NME9: variants seen among roughly 807,000 people sequenced by gnomAD.
NME9 encodes the protein NME/NM23 family member 9.
A neutral mutation model predicts 44.4 loss-of-function variants in NME9; 48 were observed. The observed-to-expected ratio is 1.08, with a 90% CI of 0.86 to 1.37. The LOEUF (loss-of-function observed/expected upper bound fraction) is 1.37. Ranked by LOEUF, NME9 falls within the 40% of genes most tolerant of loss-of-function variation. The pLI, the probability that NME9 is intolerant of heterozygous loss-of-function variation, is 0.00. For synonymous variants in NME9, 139 were observed against 147.1 expected (o/e 0.94, Z 0.40); for missense variants, 325 against 405.2 (o/e 0.80, Z 1.70).
intron 8 of NME9, among the ~76,000 whole-genome samples, chr3:138,295,233 T>C (rs2051369065): frequency 6.6e-6 from 1 of 152,142 alleles, no homozygotes; most frequent in Admixed American, 6.5e-5. Flanking sequence ...CTGGCCACCT[T>C]CTTCCCCCAT....
At position 138,271,798 on chromosome 3, in the gene NME9, C is replaced by CTTTTT. The variant is rs776320900; in HGVS notation, c.746-9217_746-9213dup. 4.9e-3 allele frequency among the ~76,000 whole-genome samples: 663 copies of CTTTTT among 136,132 alleles called. 17 individuals carry two copies. Among genetic ancestry groups the CTTTTT allele is most frequent in the African/African-American group, 0.018 (639 of 35,288 alleles). 89.3% of individuals were successfully genotyped at this position (136,132 alleles called of 152,430 possible). ...AGTTCACAAGATTTTTTTTTTCTTT[C>CTTTTT]TTTTTTTTTTTTTTTGATACAGAGT... is the stretch of plus-strand genomic sequence containing the variant. On this transcript the variant is annotated intron_variant, in intron 8 of 8. Coordinates refer to the NME9 transcript ENST00000317876.
intron 8 of NME9, among the ~76,000 whole-genome samples, chr3:138,272,082 T>C (rs1289996551): frequency 6.6e-6 from 1 of 152,138 alleles, no homozygotes; most frequent in East Asian, 1.9e-4. Flanking sequence ...TGATACAAAT[T>C]AGAGAAAAAG....
chr3:138,278,880 G>A (rs190245804), intron 8 of NME9, among the ~76,000 whole-genome samples: 50 of 152,074 alleles, frequency 3.3e-4, no homozygotes, highest in Non-Finnish European at 6.5e-4. Context: ...TAAAATTTTC[G>A]TATGTCAGTC....
chr3:138,303,628 G>A lies in NME9; in HGVS notation c.807C>T (p.Tyr269=), dbSNP rs768751199. ...CGGCATTGAAGGGCATTTCTGTGCC[G>A]TACTGAGCTCGGAGACTGGGAACAT... ...REQPESLRAQ[Y]GTEMPFNAVH... The change falls in exon 10 of 11, where the codon TAC becomes TAT. Residue 269 remains tyrosine, a synonymous_variant. Transcript: ENST00000333911. 6 of 1,608,138 alleles carry A rather than the reference G, an allele frequency of 3.7e-6. No homozygotes were observed. Among genetic ancestry groups the A allele is most frequent in the East Asian group, 4.5e-5 (2 of 44,732 alleles).
chr3:138,272,583 A>G (rs1379563876), intron 8 of NME9, among the ~76,000 whole-genome samples: 1 of 152,234 alleles, frequency 6.6e-6, no homozygotes, highest in African/African-American at 2.4e-5. Flanking sequence ...TACTTTGAAA[A>G]TTATCAGAGT....
chr3:138,328,524 G>A (rs1201686692), intron 1 of NME9, among the ~76,000 whole-genome samples: 2 of 152,178 alleles, frequency 1.3e-5, no homozygotes, highest in Non-Finnish European at 2.9e-5. Context: ...AGGAGGCGCT[G>A]TAGCCTTGGT....
chr3:138,321,008 G>A (rs570851229), intron 2 of NME9, among the ~76,000 whole-genome samples: 1 of 152,324 alleles, frequency 6.6e-6, no homozygotes, highest in Admixed American at 6.5e-5. Flanking sequence ...TATCTGTGGT[G>A]TCCTGTTACA....
chr3:138,311,904 A>G (rs2052728527), intron 6 of NME9, among the ~76,000 whole-genome samples: 1 of 152,172 alleles, frequency 6.6e-6, no homozygotes, highest in South Asian at 2.1e-4. Context: ...GATAAACGAA[A>G]TCAGTGAAGT....
At chr3:138,277,985 A>G (rs1436234619) in intron 8 of NME9, among the ~76,000 whole-genome samples, 1 of 152,250 alleles carries the variant, frequency 6.6e-6, no homozygotes, top group Non-Finnish European at 1.5e-5. Context: ...CGCTACATGA[A>G]AGATGCCAGA....
At chr3:138,323,651 G>A (rs182779748) in intron 2 of NME9, among the ~76,000 whole-genome samples, 63 of 152,306 alleles carry the variant, frequency 4.1e-4, no homozygotes, top group Non-Finnish European at 4.4e-5. Context: ...TCTACAGTTG[G>A]TGATGGGCCA....
rs878937753 is a variant in NME9 at position 138,306,165 on chromosome 3, G to C, written c.544-69C>G. On this transcript the variant is annotated intron_variant, in intron 7 of 10. Transcript: ENST00000333911. Reference sequence around the variant, plus strand: ...AAATTCACATTGATTAATTAATTTAGTTGAAAGGTAAAAAATAAAGACAGG... The same window carrying C: ...AAATTCACATTGATTAATTAATTTACTTGAAAGGTAAAAAATAAAGACAGG... 15 of 1,181,498 alleles carry C rather than the reference G, an allele frequency of 1.3e-5. No homozygotes were observed. In the South Asian group the frequency reaches 1.8e-4, roughly 14 times the overall value. The allele number at this position is 1,181,498 out of a possible 1,614,324, so 73.2% of individuals were successfully genotyped here. A position where few individuals can be genotyped will look rare whatever the true frequency, so the allele number is the denominator to read the frequency against.
chr3:138,297,528 C>T (rs1473548269), downstream of NME9: 2 of 152,196 alleles, frequency 1.3e-5, no homozygotes, highest in Non-Finnish European at 2.9e-5. Context: ...CCTATCACCA[C>T]CCTGCACGTT....
Position 138,306,097 on chromosome 3 carries a change from C to G in NME9, c.544-1G>C. The G allele has an allele frequency of 6.3e-7, 1 of 1,593,894 alleles. No homozygotes were observed. Among genetic ancestry groups the G allele is most frequent in the Non-Finnish European group, 8.6e-7 (1 of 1,161,726 alleles). On this transcript the variant is annotated splice_acceptor_variant, in intron 7 of 10. Transcript: ENST00000333911. LOFTEE classifies it high-confidence loss of function. ...GAATTTCAAACCCAGCTTCCTGAAT[C>G]TGTAGAATATATATAAATATTCTAA...
At chr3:138,324,119 T>C (rs1240701663) in intron 2 of NME9, 1 of 226,090 alleles carries the variant, frequency 4.4e-6, no homozygotes, top group African/African-American at 2.2e-5. Flanking sequence ...GAGAAACCAA[T>C]GGCAAGAAGT....
At chr3:138,264,912 A>G (rs1315414538) in intron 8 of NME9, among the ~76,000 whole-genome samples, 1 of 149,876 alleles carries the variant, frequency 6.7e-6, no homozygotes, top group Non-Finnish European at 1.5e-5. Context: ...TTTTTTTTTA[A>G]ATAGACACAG....
intron 8 of NME9, chr3:138,267,168 C>T (rs780775753): frequency 6.4e-7 from 1 of 1,567,070 alleles, no homozygotes; most frequent in South Asian, 1.2e-5. Flanking sequence ...TTACAAAATG[C>T]ACCAGATGAA....
intron 10 of NME9, 100 bp downstream of exon 10, chr3:138,303,407 A>T: frequency 1.1e-6 from 1 of 891,324 alleles, no homozygotes; most frequent in Admixed American, 1.9e-5. Context: ...TTGAAGACTT[A>T]GTTACCAAAA....
intron 8 of NME9, among the ~76,000 whole-genome samples, chr3:138,284,872 C>G (rs2050256929): frequency 6.6e-6 from 1 of 152,208 alleles, no homozygotes; most frequent in Non-Finnish European, 1.5e-5. Flanking sequence ...TGGATGAACC[C>G]TCTAGCCCCC....
chr3:138,303,036 C>G (rs550632037), intron 10 of NME9, among the ~76,000 whole-genome samples: 1 of 152,302 alleles, frequency 6.6e-6, no homozygotes, highest in East Asian at 1.9e-4. Flanking sequence ...AACGGTCATG[C>G]ATTGAAATGT....
Sources: allele counts gnomAD v4.1 joint callset (sites outside exome capture counted in the v4.1 genomes callset), GRCh38; gene constraint gnomAD v4.1.1; transcripts MANE v1.5; gene names NCBI Gene and HGNC (gene_info 2026-07-23, HGNC 2026-07-21).